ASTN2: variants seen among roughly 807,000 people sequenced by gnomAD.
ASTN2 encodes the protein astrotactin-2.
Under a neutral mutation model 139.8 loss-of-function variants are expected in ASTN2, and 54 were observed. That is an observed-to-expected ratio of 0.39 (90% CI 0.31 to 0.48). The LOEUF (loss-of-function observed/expected upper bound fraction) is 0.48, where lower values mean the gene tolerates loss of function less well. Among genes scored for constraint, ASTN2 ranks in the 20% least tolerant of loss-of-function variants. The pLI, the probability that ASTN2 is intolerant of heterozygous loss-of-function variation, is 0.95. For synonymous variants in ASTN2, 756 were observed against 719.5 expected (o/e 1.05, Z -0.81); for missense variants, 1,565 against 1,725.1 (o/e 0.91, Z 1.64).
intron 10 of ASTN2, among the ~76,000 whole-genome samples, chr9:116,933,639 T>C (rs1834975458): frequency 6.6e-6 from 1 of 151,748 alleles, no homozygotes; most frequent in Non-Finnish European, 1.5e-5. Context: ...GGATTGTTCC[T>C]GAATTTTATT....
rs763468621 is a variant in ASTN2 at position 117,204,144 on chromosome 9, CA to C, written c.1015+10213del. On this transcript the variant is annotated intron_variant, in intron 3 of 22. Transcript: ENST00000313400. ...AACAGGCACTGTGGCCGCCTACTGC[CA>C]TTGCCGGTGTGTTGGGCTGTGGGGA... Among the ~76,000 whole-genome samples the C allele has an allele frequency of 2.6e-5, 4 of 152,210 alleles. No homozygotes were observed. The East Asian group carries it at 7.7e-4, about 29-fold the overall frequency.
At chr9:117,029,291 T>A (rs73657621) in intron 6 of ASTN2, among the ~76,000 whole-genome samples, 4,066 of 152,266 alleles carry the variant, frequency 0.027, 162 homozygotes, top group African/African-American at 0.093. Flanking sequence ...TTACCAGTGT[T>A]ATTGCAACCA....
chr9:117,196,980 T>C (rs1244494904), intron 3 of ASTN2: 1 of 152,200 alleles, frequency 6.6e-6, no homozygotes, highest in Non-Finnish European at 1.5e-5. Context: ...GCATGTGCCT[T>C]CTGATGCTGT....
At chr9:116,529,356 CT>C (rs1851226169) in intron 19 of ASTN2, among the ~76,000 whole-genome samples, 1 of 152,098 alleles carries the variant, frequency 6.6e-6, no homozygotes, top group Admixed American at 6.5e-5. Flanking sequence ...CCTGTAGCCC[CT>C]TTGTTTTGGC....
chr9:117,156,681 A>G (rs112620825), intron 3 of ASTN2, among the ~76,000 whole-genome samples: 1 of 152,152 alleles, frequency 6.6e-6, no homozygotes, highest in East Asian at 1.9e-4. Context: ...CGGCAGTGAC[A>G]TCACTTTGCA....
intron 2 of ASTN2, among the ~76,000 whole-genome samples, chr9:117,231,617 T>C (rs908327075): frequency 4.6e-5 from 7 of 152,186 alleles, no homozygotes; most frequent in Admixed American, 4.6e-4. Flanking sequence ...AAGGAGCTTG[T>C]TGTCACTGGT....
intron 20 of ASTN2, among the ~76,000 whole-genome samples, chr9:116,460,755 G>C (rs1848462827): frequency 6.6e-6 from 1 of 152,086 alleles, no homozygotes; most frequent in Non-Finnish European, 1.5e-5. Flanking sequence ...CTGCTTGCAG[G>C]CTTGTGACAC....
intron 10 of ASTN2, among the ~76,000 whole-genome samples, chr9:116,898,746 T>G (rs1159885508): frequency 6.6e-6 from 1 of 152,230 alleles, no homozygotes; most frequent in Non-Finnish European, 1.5e-5. Flanking sequence ...CACATCTCAC[T>G]GCAGCGTTGA....
rs1237755747 is a variant in ASTN2 at position 116,838,213 on chromosome 9, G to A, written c.2041-17430C>T. ...CAAGCTCTGCCTCCCAGGTTCACGC[G>A]ATTCTCCTGCCCAAGCCTCCTGAGT... On this transcript the variant is annotated intron_variant, in intron 11 of 22. Coordinates refer to ENST00000313400, the MANE Select transcript of ASTN2 (RefSeq NM_001365068.1). Among the ~76,000 whole-genome samples, 10 of 150,952 alleles carry A rather than the reference G, an allele frequency of 6.6e-5. No individual in the cohort carries two copies. The East Asian group carries it at 1.2e-3, about 18-fold the overall frequency.
At chr9:116,550,643 T>C (rs1230045952) in intron 19 of ASTN2, among the ~76,000 whole-genome samples, 1 of 152,164 alleles carries the variant, frequency 6.6e-6, no homozygotes, top group East Asian at 1.9e-4. Context: ...TCTGCTCTTT[T>C]ACTCGTGAAA....
At chr9:117,330,477 G>A (rs976770283) in intron 1 of ASTN2, among the ~76,000 whole-genome samples, 6 of 152,138 alleles carry the variant, frequency 3.9e-5, no homozygotes, top group African/African-American at 7.2e-5. Flanking sequence ...AATAGAGGAC[G>A]GCAGGGCTCC....
chr9:117,221,091 C>T (rs1832500228), intron 2 of ASTN2, among the ~76,000 whole-genome samples: 1 of 152,216 alleles, frequency 6.6e-6, no homozygotes, highest in South Asian at 2.1e-4. Flanking sequence ...CTTCACCAGA[C>T]TTTCCAGAGG....
chr9:116,539,608 G>A (rs552409239), intron 19 of ASTN2, among the ~76,000 whole-genome samples: 70 of 152,074 alleles, frequency 4.6e-4, no homozygotes, highest in Non-Finnish European at 7.9e-4. Flanking sequence ...CCCAGTGGAC[G>A]TCTGAAACCA....
intron 19 of ASTN2, among the ~76,000 whole-genome samples, chr9:116,597,788 C>A (rs1317282011): frequency 2.0e-5 from 3 of 152,104 alleles, no homozygotes; most frequent in African/African-American, 4.8e-5. Context: ...CACTAGAGTT[C>A]CAGATTTTCT....
chr9:116,655,809 G>A (rs558389047), intron 16 of ASTN2, among the ~76,000 whole-genome samples: 1 of 152,200 alleles, frequency 6.6e-6, no homozygotes, highest in African/African-American at 2.4e-5. Context: ...CCCCACCTCA[G>A]CCTTCCAAGT....
chr9:117,399,441 G>A (rs185539651), intron 1 of ASTN2, among the ~76,000 whole-genome samples: 56 of 152,202 alleles, frequency 3.7e-4, no homozygotes, highest in Non-Finnish European at 6.2e-4. Context: ...GACTATCTTC[G>A]TCTCTGTGCT....
chr9:116,653,464 C>T (rs1858038306), intron 16 of ASTN2, among the ~76,000 whole-genome samples: 1 of 152,208 alleles, frequency 6.6e-6, no homozygotes, highest in African/African-American at 2.4e-5. Flanking sequence ...GTGATTTGTA[C>T]AACCGACAGG....
intron 3 of ASTN2, among the ~76,000 whole-genome samples, chr9:117,159,625 T>C (rs1309861675): frequency 6.6e-6 from 1 of 152,072 alleles, no homozygotes; most frequent in Non-Finnish European, 1.5e-5. Context: ...TTTGTGCATC[T>C]ACTGTATATC....
intron 5 of ASTN2, among the ~76,000 whole-genome samples, chr9:117,043,401 G>C (rs1838637669): frequency 6.6e-6 from 1 of 152,102 alleles, no homozygotes; most frequent in Non-Finnish European, 1.5e-5. Flanking sequence ...GGCCCACACA[G>C]CAGCAACCAG....
Sources: allele counts gnomAD v4.1 joint callset (sites outside exome capture counted in the v4.1 genomes callset), GRCh38; gene constraint gnomAD v4.1.1; transcripts MANE v1.5; gene names NCBI Gene and HGNC (gene_info 2026-07-23, HGNC 2026-07-21).